RPGRIP1L: variants seen among roughly 807,000 people sequenced by gnomAD.
RPGRIP1L encodes RPGRIP1 like.
In RPGRIP1L, 131 loss-of-function variants were observed where a neutral mutation model predicts 160.4. The observed-to-expected ratio is 0.82, with a 90% CI of 0.71 to 0.94. RPGRIP1L has a LOEUF of 0.94. RPGRIP1L is among the 40% of genes least tolerant of loss of function. RPGRIP1L has a pLI of 0.00. For synonymous variants in RPGRIP1L, 510 were observed against 515.8 expected (o/e 0.99, Z 0.15); for missense variants, 1,522 against 1,535.8 (o/e 0.99, Z 0.15).
intron 24 of RPGRIP1L, among the ~76,000 whole-genome samples, chr16:53,611,776 C>G (rs993040126): frequency 2.6e-5 from 4 of 152,130 alleles, no homozygotes; most frequent in Admixed American, 2.6e-4. Flanking sequence ...TTTCAATGTG[C>G]GAACAGTACA....
chr16:53,633,318 C>T (rs2151017015), intron 22 of RPGRIP1L, among the ~76,000 whole-genome samples: 1 of 152,322 alleles, frequency 6.6e-6, no homozygotes, highest in South Asian at 2.1e-4. Flanking sequence ...GAAGAGCACA[C>T]AGTATCGCTT....
intron 8 of RPGRIP1L, among the ~76,000 whole-genome samples, chr16:53,672,242 G>A (rs13330324): frequency 0.064 from 9,796 of 152,060 alleles, 887 homozygotes; most frequent in African/African-American, 0.21. Context: ...AGTATATTTT[G>A]CAGTCACAAC....
chr16:53,664,885 A>G lies in RPGRIP1L; in HGVS notation c.1228T>C (p.Leu410=). ...TCAAATGTACCTCTTTCAGTTTTTAATCTGTCAAGGATTTCAGTTTTGTCT... is the reference window on the plus strand; with the variant it reads ...TCAAATGTACCTCTTTCAGTTTTTAGTCTGTCAAGGATTTCAGTTTTGTCT... ...LTDKTEILDR[L]KTERDQNEKL... The change falls in exon 10 of 27, where the codon TTA becomes CTA. Residue 410 remains leucine (L), a synonymous_variant. Transcript: ENST00000647211. 6.2e-7 allele frequency: 1 copy of G among 1,611,326 alleles called. No individual in the cohort carries two copies. The highest frequency in any genetic ancestry group is 1.1e-5 in the South Asian group (1 of 91,086).
intron 22 of RPGRIP1L, among the ~76,000 whole-genome samples, chr16:53,626,782 G>A (rs941098987): frequency 2.7e-5 from 4 of 146,308 alleles, no homozygotes; most frequent in African/African-American, 1.0e-4. Flanking sequence ...TCCACCCTGG[G>A]TGACAGAGTG....
intron 10 of RPGRIP1L, chr16:53,659,767 C>T (rs1967608207): frequency 6.6e-6 from 1 of 152,086 alleles, no homozygotes; most frequent in Admixed American, 6.5e-5. Flanking sequence ...GTAGTCCCAT[C>T]TACTTGGGAG....
rs1041715970 is a variant in RPGRIP1L, at chr16:53,696,036, T to C, written c.230+115A>G. On this transcript the variant is annotated intron_variant, in intron 3 of 26. Coordinates refer to ENST00000647211, the MANE Select transcript of RPGRIP1L (RefSeq NM_015272.5). ...TTTTTAAAAATTGTACTTATTTACATCCTGCCTTGTTCCAAACAAGATTCA... is the reference window on the plus strand; with the variant it reads ...TTTTTAAAAATTGTACTTATTTACACCCTGCCTTGTTCCAAACAAGATTCA... 22 of 1,022,210 alleles carry C rather than the reference T, an allele frequency of 2.2e-5. No homozygotes were observed. The African/African-American group carries it at 3.4e-4, about 16-fold the overall frequency. The allele number at this position is 1,022,210 out of a possible 1,614,324, so 63.3% of individuals were successfully genotyped here.
In RPGRIP1L at chr16:53,641,579, C is replaced by A. The variant is rs995127320; in HGVS notation, c.2684-104G>T. 19 of 1,044,722 alleles carry A rather than the reference C, an allele frequency of 1.8e-5. 1 individual carries two copies. In the South Asian group the frequency reaches 2.4e-4, roughly 13 times the overall value. The allele number at this position is 1,044,722 out of a possible 1,614,324, so 64.7% of individuals were successfully genotyped here. ...CCTACTTTAAGAGACTCATGCTCTA[C>A]CATGTGAACTAGCCAGGTGGTTGTA... On this transcript the variant is annotated intron_variant, in intron 17 of 26. Coordinates refer to ENST00000647211, the MANE Select transcript of RPGRIP1L (RefSeq NM_015272.5).
chr16:53,636,464 C>T lies in RPGRIP1L; in HGVS notation c.3269G>A (p.Gly1090Asp). ...ASDSDDCIIP[G>D]PISKNIKQSL... ...CTGTTTGATATTCTTGGAGATAGGA[C>T]CTGGAATAATACAGTCATCACTGTC... The change falls in exon 22 of 27, where the codon GGT becomes GAT. Residue 1090 changes from glycine (G) to aspartate (D), a missense_variant. Physicochemically the swap from Gly to Asp is moderately conservative, Grantham distance 94. Coordinates refer to ENST00000647211, the MANE Select transcript of RPGRIP1L (RefSeq NM_015272.5). The T allele has an allele frequency of 3.7e-6, 6 of 1,612,054 alleles. No individual in the cohort carries two copies. Among genetic ancestry groups the T allele is most frequent in the Non-Finnish European group, 5.1e-6 (6 of 1,178,422 alleles).
At chr16:53,682,362 T>TTA (rs1285869601) in intron 6 of RPGRIP1L, among the ~76,000 whole-genome samples, 2 of 152,174 alleles carry the variant, frequency 1.3e-5, no homozygotes, top group Non-Finnish European at 2.9e-5. Flanking sequence ...AAGGAGGGAC[T>TTA]TACCTCTTCT....
chr16:53,658,702 G>C, intron 11 of RPGRIP1L, 70 bp downstream of exon 11: 1 of 1,050,074 alleles, frequency 9.5e-7, no homozygotes, highest in Non-Finnish European at 1.4e-6. Flanking sequence ...GTAGTATAGT[G>C]CTTTCTCTAT....
At chr16:53,695,580 T>A in intron 3 of RPGRIP1L, 2 of 602,296 alleles carry the variant, frequency 3.3e-6, no homozygotes, top group Non-Finnish European at 2.9e-6. Flanking sequence ...TGAAAGAGTA[T>A]CTACTCTTAA....
At chr16:53,612,171 C>G (rs1964090826) in intron 24 of RPGRIP1L, among the ~76,000 whole-genome samples, 1 of 151,566 alleles carries the variant, frequency 6.6e-6, no homozygotes, top group African/African-American at 2.4e-5. Context: ...CATAAAGGTA[C>G]CGGTATAGGG....
At position 53,677,726 on chromosome 16, in the gene RPGRIP1L, G is replaced by T. The variant is rs375458821; in HGVS notation, c.777-2604C>A. On this transcript the variant is annotated intron_variant, in intron 6 of 26. Transcript: ENST00000647211. ...ATGTTGTAGGCAACACGGAGCTAGG[G>T]TGTTTAGCTAAGTGACCAGTCCTAG... is the stretch of plus-strand genomic sequence containing the variant. Among the ~76,000 whole-genome samples, 15 of 152,278 alleles carry T rather than the reference G, an allele frequency of 9.9e-5. No homozygotes were observed. In the East Asian group the frequency reaches 1.9e-3, roughly 20 times the overall value.
rs1010592041 is a variant in RPGRIP1L at position 53,599,725 on chromosome 16, G to A, written c.*2351C>T. The stretch of plus-strand genomic sequence containing the variant: ...TGCTCTTTAACCCAAAAGGTGGTAA[G>A]CTTTTCAATGGCCTCCAGTTACCAC... On this transcript the variant is annotated 3_prime_UTR_variant, in exon 27 of 27. Coordinates refer to ENST00000647211, the MANE Select transcript of RPGRIP1L (RefSeq NM_015272.5). 6.6e-6 allele frequency: 1 copy of A among 152,172 alleles called. No individual in the cohort carries two copies. 9.4% of individuals were successfully genotyped at this position (152,172 alleles called of 1,614,324 possible). A position where few individuals can be genotyped will look rare whatever the true frequency, so the allele number is the denominator to read the frequency against.
At chr16:53,677,307 T>C (rs1419716483) in intron 6 of RPGRIP1L, among the ~76,000 whole-genome samples, 2 of 152,216 alleles carry the variant, frequency 1.3e-5, no homozygotes, top group Admixed American at 6.5e-5. Context: ...CAACGTGGTA[T>C]AATAATGTTG....
At position 53,692,246 on chromosome 16, in the gene RPGRIP1L, C is replaced by T. The variant is rs1970435640; in HGVS notation, c.349G>A (p.Glu117Lys). ...EMEEMIEQLQ[E>K]KVHELEKQNE... ...TGTTTTTCAAGCTCATGAACTTTCT[C>T]TTGCAGCTGCTCAATCATTTCTTCC... The change falls in exon 4 of 27, where the codon GAG becomes AAG. Residue 117 changes from glutamate (E) to lysine (K), a missense_variant. Transcript: ENST00000647211. 6.2e-7 allele frequency: 1 copy of T among 1,614,060 alleles called. No individual in the cohort carries two copies. The highest frequency in any genetic ancestry group is 1.1e-5 in the South Asian group (1 of 91,082).
At chr16:53,699,687 G>A (rs550312489) in intron 2 of RPGRIP1L, among the ~76,000 whole-genome samples, 3 of 152,180 alleles carry the variant, frequency 2.0e-5, no homozygotes, top group East Asian at 3.9e-4. Context: ...GCATGGCGGC[G>A]AACACCTGTA....
At chr16:53,632,116 C>T (rs548176621) in intron 22 of RPGRIP1L, among the ~76,000 whole-genome samples, 18 of 152,216 alleles carry the variant, frequency 1.2e-4, no homozygotes, top group African/African-American at 2.2e-4. Flanking sequence ...CCAAGTAATA[C>T]GTAGAAGTAC....
At chr16:53,638,507 G>A in intron 19 of RPGRIP1L, 96 bp from the exon 20 acceptor site, 1 of 666,204 alleles carries the variant, frequency 1.5e-6, no homozygotes, top group Non-Finnish European at 2.7e-6. Context: ...ACTAAAAATT[G>A]GCAGCAAATG....
Sources: gnomAD v4.1 joint callset for allele counts (sites outside exome capture counted in the v4.1 genomes callset) on GRCh38, gnomAD v4.1.1 for gene constraint, MANE v1.5 for transcripts, NCBI Gene and HGNC (gene_info 2026-07-23, HGNC 2026-07-21) for gene names.